The following DCAF1 variants were observed in gnomAD, a reference collection of about 807,000 sequenced individuals.
The protein encoded by DCAF1 is DDB1 and CUL4 associated factor 1.
DCAF1 carries 15 observed loss-of-function variants against 128.0 expected under a neutral mutation model. That is an observed-to-expected ratio of 0.12 (90% CI 0.08 to 0.18). The LOEUF (loss-of-function observed/expected upper bound fraction) is 0.18, where lower values mean the gene tolerates loss of function less well. DCAF1 is among the 10% of genes least tolerant of loss of function. The pLI is 1.00. For synonymous variants in DCAF1, 610 were observed against 603.0 expected (o/e 1.01, Z -0.17); for missense variants, 988 against 1,649.5 (o/e 0.60, Z 6.95).
intron 6 of DCAF1, among the ~76,000 whole-genome samples, chr3:51,444,284 G>C (rs965320473): frequency 2.0e-5 from 3 of 151,738 alleles, no homozygotes; most frequent in Admixed American, 6.6e-5. Context: ...CAAAGCACAG[G>C]TAATATATTA....
upstream of DCAF1, among the ~76,000 whole-genome samples, chr3:51,504,888 T>TA: frequency 1.3e-5 from 2 of 151,908 alleles, no homozygotes; most frequent in African/African-American, 4.8e-5. Context: ...CTGAGGCAGG[T>TA]GGATCATTGA....
chr3:51,426,300 C>T (rs1369140168), intron 13 of DCAF1, among the ~76,000 whole-genome samples: 1 of 151,992 alleles, frequency 6.6e-6, no homozygotes, highest in African/African-American at 2.4e-5. Context: ...ACCTCTGCCT[C>T]CTGGGTTCAA....
rs553217047 is a variant in DCAF1 at position 51,441,631 on chromosome 3, C to T, written c.780G>A (p.Glu260=). The T allele has an allele frequency of 6.2e-6, 10 of 1,613,926 alleles. No individual in the cohort carries two copies. In the South Asian group the frequency reaches 9.9e-5, roughly 16 times the overall value. The change falls in exon 8 of 25, where the codon GAG becomes GAA. Residue 260 remains glutamate, a synonymous_variant. Transcript: ENST00000684031. ...ACTTGTTTTTCTTTAATCCTCCATC[C>T]TCAGGTTTGGTTGTTGAGTTCACTC... ...SSRVNSTTKP[E]DGGLKKNKSA...
chr3:51,424,145 C>A (rs535519319), intron 13 of DCAF1, among the ~76,000 whole-genome samples: 1 of 151,934 alleles, frequency 6.6e-6, no homozygotes, highest in South Asian at 2.1e-4. Context: ...AAAGAAAAAA[C>A]CGGCTGGGTG....
intron 1 of DCAF1, among the ~76,000 whole-genome samples, chr3:51,499,672 G>A (rs1165261199): frequency 2.0e-5 from 3 of 151,740 alleles, no homozygotes; most frequent in Admixed American, 6.6e-5. Flanking sequence ...CCGCCCCCAG[G>A]ACAAGAATCA....
At chr3:51,474,314 G>A (rs1443361308) in intron 3 of DCAF1, among the ~76,000 whole-genome samples, 7 of 152,252 alleles carry the variant, frequency 4.6e-5, no homozygotes, top group Admixed American at 4.6e-4. Flanking sequence ...CAGCTACTCG[G>A]GAGGCTGAGG....
chr3:51,454,798 C>T (rs146281898), intron 6 of DCAF1, among the ~76,000 whole-genome samples: 2,698 of 152,138 alleles, frequency 0.018, 88 homozygotes, highest in African/African-American at 0.062. Flanking sequence ...CTCAGCCTCC[C>T]GAGTAGCTGG....
chr3:51,500,550 T>C (rs1318446404), upstream of DCAF1, among the ~76,000 whole-genome samples: 6 of 152,180 alleles, frequency 3.9e-5, no homozygotes, highest in African/African-American at 1.2e-4. Flanking sequence ...TGTTTTGTTT[T>C]GTTTTTTTGA....
chr3:51,503,122 G>A (rs968999084), upstream of DCAF1, among the ~76,000 whole-genome samples: 1 of 152,132 alleles, frequency 6.6e-6, no homozygotes, highest in South Asian at 2.1e-4. Context: ...TCTGGACTCC[G>A]TCTCACCTTG....
At chr3:51,495,733 A>G (rs782300523) in intron 2 of DCAF1, among the ~76,000 whole-genome samples, 22 of 152,054 alleles carry the variant, frequency 1.4e-4, no homozygotes, top group Non-Finnish European at 2.4e-4. Context: ...CCTCTATGAA[A>G]AAAATTTAAA....
intron 15 of DCAF1, 87 bp downstream of exon 15, chr3:51,419,647 C>T: frequency 6.6e-7 from 1 of 1,510,160 alleles, no homozygotes; most frequent in Non-Finnish European, 8.8e-7. Flanking sequence ...AGTGGTATTT[C>T]AGGACAACTA....
At chr3:51,492,326 C>A (rs1223845839) in intron 2 of DCAF1, among the ~76,000 whole-genome samples, 5 of 151,854 alleles carry the variant, frequency 3.3e-5, no homozygotes, top group South Asian at 2.1e-4. Flanking sequence ...CGAGTATGGC[C>A]AACAAGTTGA....
intron 6 of DCAF1, among the ~76,000 whole-genome samples, chr3:51,450,742 A>G (rs1165135020): frequency 2.6e-5 from 4 of 152,180 alleles, no homozygotes; most frequent in Non-Finnish European, 4.4e-5. Flanking sequence ...TCGGCCTCCC[A>G]AAGTACTGAG....
intron 6 of DCAF1, among the ~76,000 whole-genome samples, chr3:51,452,352 A>G (rs1287049018): frequency 6.6e-6 from 1 of 151,806 alleles, no homozygotes; most frequent in Non-Finnish European, 1.5e-5. Flanking sequence ...TATAATTAAA[A>G]TATTTTAAGA....
At chr3:51,455,848 G>T (rs988497321) in intron 6 of DCAF1, among the ~76,000 whole-genome samples, 9 of 151,894 alleles carry the variant, frequency 5.9e-5, no homozygotes, top group Non-Finnish European at 1.2e-4. Context: ...AGTGAGCCAA[G>T]ATCACACCAC....
At chr3:51,408,680 A>G (rs1357663177) in intron 23 of DCAF1, among the ~76,000 whole-genome samples, 1 of 152,220 alleles carries the variant, frequency 6.6e-6, no homozygotes. Flanking sequence ...AGGAGCATGG[A>G]TCAACAGAAT....
intron 3 of DCAF1, among the ~76,000 whole-genome samples, chr3:51,477,463 A>G (rs1705610265): frequency 6.8e-6 from 1 of 147,050 alleles, no homozygotes; most frequent in Non-Finnish European, 1.5e-5. Flanking sequence ...TGTCTCTACA[A>G]AAAAAAAAAA....
At chr3:51,435,601 C>T (rs1700740363) in intron 9 of DCAF1, among the ~76,000 whole-genome samples, 1 of 151,982 alleles carries the variant, frequency 6.6e-6, no homozygotes. Context: ...ATCCCAGCTA[C>T]TCAGGAGGCT....
At chr3:51,438,109 A>C (rs782093092) in intron 9 of DCAF1, 2 of 435,992 alleles carry the variant, frequency 4.6e-6, no homozygotes, top group East Asian at 6.4e-5. Flanking sequence ...AATTTCCCTG[A>C]AAGTTTGGTG....
Sources: gnomAD v4.1 joint callset for allele counts (sites outside exome capture counted in the v4.1 genomes callset) on GRCh38, gnomAD v4.1.1 for gene constraint, MANE v1.5 for transcripts, NCBI Gene and HGNC (gene_info 2026-07-23, HGNC 2026-07-21) for gene names.